The following CUX1 variants were observed in gnomAD, a reference collection of about 807,000 sequenced individuals.
CUX1 encodes the protein protein CASP.
CUX1 carries 31 observed loss-of-function variants against 158.8 expected under a neutral mutation model. The ratio of observed to expected loss-of-function variants is 0.20; its 90% CI spans 0.15 to 0.26. The LOEUF is 0.26. Among genes scored for constraint, CUX1 ranks in the 10% least tolerant of loss-of-function variants. The pLI is 1.00. For missense variants in CUX1, 1,589 were observed against 2,014.6 expected (o/e 0.79, Z 4.04); for synonymous variants, 879 against 862.1 (o/e 1.02, Z -0.34).
intron 4 of CUX1, among the ~76,000 whole-genome samples, chr7:102,072,400 G>A (rs1407884369): frequency 1.3e-5 from 2 of 152,206 alleles, no homozygotes; most frequent in African/African-American, 4.8e-5. Context: ...ATTGGTTGCG[G>A]AAAGTAACCA....
At chr7:102,170,067 G>C (rs546471154) in intron 9 of CUX1, among the ~76,000 whole-genome samples, 1 of 152,188 alleles carries the variant, frequency 6.6e-6, no homozygotes, top group African/African-American at 2.4e-5. Context: ...GTTTACCCGT[G>C]AGAATTACTC....
At chr7:101,989,596 G>T (rs1814835088) in intron 2 of CUX1, among the ~76,000 whole-genome samples, 1 of 152,242 alleles carries the variant, frequency 6.6e-6, no homozygotes, top group Admixed American at 6.5e-5. Context: ...CACCATGGAG[G>T]TGGAGAGCTC....
chr7:101,940,242 GA>G (rs61429755), intron 2 of CUX1, among the ~76,000 whole-genome samples: 32 of 140,330 alleles, frequency 2.3e-4, no homozygotes, highest in South Asian at 4.7e-4. Context: ...CCTGTCTCAG[GA>G]AAAAAAAAAA....
chr7:102,162,869 C>A (rs200347548), intron 9 of CUX1, among the ~76,000 whole-genome samples: 1 of 152,144 alleles, frequency 6.6e-6, no homozygotes, highest in African/African-American at 2.4e-5. Context: ...CTGAAAGATG[C>A]TTGCTCTGGA....
chr7:101,919,377 C>G, intron 2 of CUX1, among the ~76,000 whole-genome samples: 1 of 152,194 alleles, frequency 6.6e-6, no homozygotes, highest in Admixed American at 6.5e-5. Context: ...GGCCACACCG[C>G]AGGATTGATT....
At chr7:101,986,648 G>A (rs2129230225) in intron 2 of CUX1, among the ~76,000 whole-genome samples, 1 of 152,344 alleles carries the variant, frequency 6.6e-6, no homozygotes, top group African/African-American at 2.4e-5. Flanking sequence ...CTGGAGGCAT[G>A]CCCTCCCTCG....
At chr7:102,063,387 T>TC (rs1171429183) in intron 3 of CUX1, among the ~76,000 whole-genome samples, 6 of 136,382 alleles carry the variant, frequency 4.4e-5, no homozygotes, top group East Asian at 2.3e-4. Flanking sequence ...CCTTTTCTTT[T>TC]TTTTTTTTTT....
chr7:101,884,810 A>C (rs1447527809), intron 1 of CUX1, among the ~76,000 whole-genome samples: 1 of 152,210 alleles, frequency 6.6e-6, no homozygotes, highest in Non-Finnish European at 1.5e-5. Flanking sequence ...CATTGGATAA[A>C]CAGAGGATTT....
chr7:101,958,719 G>A (rs1453188561), intron 2 of CUX1, among the ~76,000 whole-genome samples: 1 of 151,492 alleles, frequency 6.6e-6, no homozygotes, highest in African/African-American at 2.4e-5. Context: ...GGCTTAAGCA[G>A]TCTGCCCACT....
intron 1 of CUX1, among the ~76,000 whole-genome samples, chr7:101,912,842 T>G (rs1159995447): frequency 6.6e-6 from 1 of 152,152 alleles, no homozygotes; most frequent in Non-Finnish European, 1.5e-5. Flanking sequence ...TCCAGGTTTT[T>G]TGCTCTTTGT....
At chr7:101,839,340 T>C (rs1794967806) in intron 1 of CUX1, among the ~76,000 whole-genome samples, 1 of 152,098 alleles carries the variant, frequency 6.6e-6, no homozygotes, top group Non-Finnish European at 1.5e-5. Context: ...GGAACGTTCT[T>C]ACACACGTCC....
At chr7:101,995,651 C>G (rs1011338365) in intron 2 of CUX1, among the ~76,000 whole-genome samples, 5 of 152,308 alleles carry the variant, frequency 3.3e-5, no homozygotes, top group African/African-American at 1.2e-4. Context: ...ATTAGAGTTA[C>G]TCGTCCAAAA....
intron 18 of CUX1, 125 bp downstream of exon 18, chr7:102,202,329 C>G: frequency 7.7e-7 from 1 of 1,299,524 alleles, no homozygotes; most frequent in South Asian, 1.5e-5. Context: ...CGTAAGGCAT[C>G]CTCTGCTCCC....
intron 1 of CUX1, among the ~76,000 whole-genome samples, chr7:101,914,350 T>TCTTC (rs200253645): frequency 1.9e-4 from 28 of 145,816 alleles, no homozygotes; most frequent in Middle Eastern, 3.5e-3. Flanking sequence ...ATTCCTTCCT[T>TCTTC]CTTCCTTCCT....
intron 2 of CUX1, among the ~76,000 whole-genome samples, chr7:101,948,492 G>T (rs757557522): frequency 2.6e-5 from 4 of 152,136 alleles, no homozygotes; most frequent in Non-Finnish European, 4.4e-5. Flanking sequence ...TTGGAACGTT[G>T]CCTGCTTTGT....
At chr7:102,108,771 T>TGTGTGTGTG (rs1554489271) in intron 6 of CUX1, among the ~76,000 whole-genome samples, 7 of 151,110 alleles carry the variant, frequency 4.6e-5, no homozygotes, top group Admixed American at 1.3e-4. Context: ...TGTGTGTGTG[T>TGTGTGTGTG]TTTGAGACAA....
chr7:101,991,779 C>G (rs541257529), intron 2 of CUX1, among the ~76,000 whole-genome samples: 30 of 142,432 alleles, frequency 2.1e-4, no homozygotes, highest in South Asian at 4.6e-4. Flanking sequence ...AAAAAAAAAT[C>G]AGTTAGTAGC....
intron 8 of CUX1, among the ~76,000 whole-genome samples, chr7:102,141,293 C>T (rs1395545515): frequency 6.6e-6 from 1 of 152,186 alleles, no homozygotes; most frequent in Admixed American, 6.5e-5. Flanking sequence ...TTCAGTTTCA[C>T]TTCCCAGCCC....
chr7:102,280,859 TG>T lies in CUX1; in HGVS notation c.1821+1del. On this transcript the variant is annotated frameshift_variant and splice_region_variant, in exon 20 of 23. Transcript: ENST00000292538. LOFTEE classifies it high-confidence loss of function. ...CCCTGGGACAAGGCCACCCTCAGCATGGTGAGTCCCTGCCCCTACCCACCCC... is the reference window on the plus strand; with the variant it reads ...CCCTGGGACAAGGCCACCCTCAGCATGTGAGTCCCTGCCCCTACCCACCCC... 1.2e-6 allele frequency: 2 copies of T among 1,611,930 alleles called. No individual in the cohort carries two copies. Among genetic ancestry groups the T allele is most frequent in the Non-Finnish European group, 1.7e-6 (2 of 1,179,812 alleles).
Sources: allele counts gnomAD v4.1 joint callset (sites outside exome capture counted in the v4.1 genomes callset), GRCh38; gene constraint gnomAD v4.1.1; transcripts MANE v1.5; gene names NCBI Gene and HGNC (gene_info 2026-07-23, HGNC 2026-07-21).